Variants in NBEA observed in about 807,000 individuals in gnomAD.
NBEA encodes neurobeachin.
A neutral mutation model predicts 343.4 loss-of-function variants in NBEA; 44 were observed. The ratio of observed to expected loss-of-function variants is 0.13; its 90% CI spans 0.10 to 0.16. NBEA has a LOEUF of 0.16. NBEA is among the 10% of genes least tolerant of loss of function. NBEA has a pLI of 1.00. For synonymous variants in NBEA, 1,175 were observed against 1,238.7 expected, an observed-to-expected ratio of 0.95 and a Z score of 1.08; for missense variants, 2,555 against 3,631.3, an observed-to-expected ratio of 0.70 and a Z score of 7.62.
At chr13:35,608,510 A>G (rs534927905) in intron 48 of NBEA, among the ~76,000 whole-genome samples, 290 of 152,310 alleles carry the variant, frequency 1.9e-3, no homozygotes, top group African/African-American at 6.7e-3. Context: ...TTGTATATCA[A>G]TATCTCTCAG....
At chr13:35,639,153 G>A (rs565038409) in intron 49 of NBEA, among the ~76,000 whole-genome samples, 1 of 152,090 alleles carries the variant, frequency 6.6e-6, no homozygotes, top group South Asian at 2.1e-4. Context: ...GCAGTTGAAG[G>A]TTAAAACAAA....
chr13:35,649,533 G>A, intron 51 of NBEA, 122 bp from the exon 52 acceptor site: 2 of 787,022 alleles, frequency 2.5e-6, no homozygotes, highest in Non-Finnish European at 4.1e-6. Context: ...AGTTTAGGTG[G>A]CTTTTCCTCC....
Position 35,464,419 on chromosome 13 carries a change from C to T in NBEA, c.6449-7981C>T, listed in dbSNP as rs140385505. Among the ~76,000 whole-genome samples, 627 of 152,348 alleles carry T rather than the reference C, an allele frequency of 4.1e-3. 1 individual carries two copies. Among genetic ancestry groups the T allele is most frequent in the Admixed American group, 5.7e-3 (87 of 15,304 alleles). ...CGAAGACCACAACTTGTCCAAATTT[C>T]TACCCATCCATCACAGCTCACTACA... is the stretch of plus-strand genomic sequence containing the variant. On this transcript the variant is annotated intron_variant, in intron 40 of 58. Transcript: ENST00000379939.
At chr13:35,156,728 T>TTAGTACACAGTCTCAGGA (rs1303618744) in intron 20 of NBEA, among the ~76,000 whole-genome samples, 2 of 152,190 alleles carry the variant, frequency 1.3e-5, no homozygotes, top group Non-Finnish European at 2.9e-5. Flanking sequence ...CAAGATAGTC[T>TTAGTACACAGTCTCAGGA]TAGTACACAG....
intron 41 of NBEA, among the ~76,000 whole-genome samples, chr13:35,504,535 A>G (rs1423754623): frequency 6.6e-6 from 1 of 152,176 alleles, no homozygotes; most frequent in Non-Finnish European, 1.5e-5. Flanking sequence ...GTTTTTGAGT[A>G]TGTAAAGATA....
In NBEA at chr13:35,474,751, G is replaced by C. The variant is rs571326689; in HGVS notation, c.6585+2215G>C. The C allele has an allele frequency of 1.4e-5, 4 of 277,334 alleles. No individual in the cohort carries two copies. In the East Asian group the frequency reaches 2.8e-4, roughly 20 times the overall value. The allele number at this position is 277,334 out of a possible 1,614,324, so 17.2% of individuals were successfully genotyped here. ...CCTTTGATAGTTAGGCAGAGTGTTCGTCTCGGTCTGGCGTTACAGCTGGGC... is the reference window on the plus strand; with the variant it reads ...CCTTTGATAGTTAGGCAGAGTGTTCCTCTCGGTCTGGCGTTACAGCTGGGC... On this transcript the variant is annotated intron_variant, in intron 41 of 58. Transcript: ENST00000379939.
intron 33 of NBEA, among the ~76,000 whole-genome samples, chr13:35,213,778 A>G (rs962328670): frequency 6.6e-6 from 1 of 152,058 alleles, no homozygotes; most frequent in East Asian, 1.9e-4. Context: ...TCAATAAAAA[A>G]CACTCATTTT....
chr13:35,089,560 G>C (rs1220599608), intron 10 of NBEA, among the ~76,000 whole-genome samples: 2 of 114,018 alleles, frequency 1.8e-5, no homozygotes, highest in Non-Finnish European at 3.6e-5. Context: ...CCATTACTGG[G>C]TATATACCCA....
At chr13:35,613,285 G>A (rs561719442) in intron 48 of NBEA, among the ~76,000 whole-genome samples, 1 of 150,476 alleles carries the variant, frequency 6.6e-6, no homozygotes, top group Non-Finnish European at 1.5e-5. Flanking sequence ...ATACATAAGT[G>A]AGATCATACA....
intron 36 of NBEA, among the ~76,000 whole-genome samples, chr13:35,324,060 G>T (rs1017669954): frequency 6.6e-6 from 1 of 152,168 alleles, no homozygotes; most frequent in Non-Finnish European, 1.5e-5. Context: ...CAATAGAGGA[G>T]CCTAGAGTTG....
chr13:35,415,183 T>G (rs183615816), intron 38 of NBEA, among the ~76,000 whole-genome samples: 1 of 152,348 alleles, frequency 6.6e-6, no homozygotes, highest in East Asian at 1.9e-4. Flanking sequence ...TTCTGTAGGT[T>G]GCCTGTTCAC....
intron 34 of NBEA, among the ~76,000 whole-genome samples, chr13:35,248,256 C>A (rs2031489221): frequency 6.6e-6 from 1 of 152,062 alleles, no homozygotes; most frequent in African/African-American, 2.4e-5. Context: ...GGATTATATA[C>A]CATAACCAAG....
intron 35 of NBEA, among the ~76,000 whole-genome samples, chr13:35,306,144 C>T (rs1056202950): frequency 1.3e-5 from 2 of 152,138 alleles, no homozygotes; most frequent in African/African-American, 2.4e-5. Flanking sequence ...AGTCTAATCT[C>T]ATTCAGATTC....
At chr13:35,393,094 T>C (rs2042583469) in intron 38 of NBEA, among the ~76,000 whole-genome samples, 1 of 152,152 alleles carries the variant, frequency 6.6e-6, no homozygotes, top group African/African-American at 2.4e-5. Flanking sequence ...CCTACCAATA[T>C]GACTGGTTTG....
intron 29 of NBEA, among the ~76,000 whole-genome samples, chr13:35,183,008 C>T (rs1359971768): frequency 4.0e-5 from 6 of 151,892 alleles, no homozygotes; most frequent in Non-Finnish European, 8.8e-5. Context: ...TATAATCAAA[C>T]ATGTGTTCTA....
intron 28 of NBEA, among the ~76,000 whole-genome samples, chr13:35,181,581 T>G (rs556279479): frequency 6.6e-6 from 1 of 152,042 alleles, no homozygotes; most frequent in Admixed American, 6.6e-5. Flanking sequence ...ATGAATAGAT[T>G]GTGAAGAATT....
intron 34 of NBEA, among the ~76,000 whole-genome samples, chr13:35,279,237 C>T (rs1333810770): frequency 6.6e-6 from 1 of 152,104 alleles, no homozygotes; most frequent in Non-Finnish European, 1.5e-5. Flanking sequence ...GTTACATATA[C>T]AGGATCATGA....
At chr13:35,561,120 G>T (rs565236730) in intron 44 of NBEA, among the ~76,000 whole-genome samples, 1 of 152,108 alleles carries the variant, frequency 6.6e-6, no homozygotes, top group South Asian at 2.1e-4. Context: ...TCTTCATATA[G>T]CACCGTCAGT....
intron 38 of NBEA, among the ~76,000 whole-genome samples, chr13:35,399,026 A>G (rs994953783): frequency 6.6e-6 from 1 of 152,162 alleles, no homozygotes; most frequent in Non-Finnish European, 1.5e-5. Flanking sequence ...TGCAGCTTCT[A>G]CATCAGTACT....
Sources: allele counts gnomAD v4.1 joint callset (sites outside exome capture counted in the v4.1 genomes callset), GRCh38; gene constraint gnomAD v4.1.1; transcripts MANE v1.5; gene names NCBI Gene and HGNC (gene_info 2026-07-23, HGNC 2026-07-21).